Variants in MGAT5 observed in about 807,000 individuals in gnomAD.
MGAT5 encodes alpha-1,6-mannosylglycoprotein 6-beta-N-acetylglucosaminyltransferase A.
In MGAT5, 30 loss-of-function variants were observed where a neutral mutation model predicts 94.3. That is an observed-to-expected ratio of 0.32 (90% CI 0.24 to 0.43). The LOEUF (loss-of-function observed/expected upper bound fraction) is 0.43, where lower values mean the gene tolerates loss of function less well. Ranked by LOEUF, MGAT5 falls within the 20% of genes least tolerant of loss-of-function variation. The pLI is 1.00. For synonymous variants in MGAT5, 310 were observed against 322.9 expected, an observed-to-expected ratio of 0.96 and a Z score of 0.43; for missense variants, 691 against 905.5, an observed-to-expected ratio of 0.76 and a Z score of 3.04.
chr2:134,396,468 C>G (rs1180171516), intron 10 of MGAT5, among the ~76,000 whole-genome samples: 1 of 152,052 alleles, frequency 6.6e-6, no homozygotes, highest in African/African-American at 2.4e-5. Context: ...CTTGCAGTTC[C>G]TAAGTGAATG....
At chr2:134,226,009 C>G (rs993769959) in intron 1 of MGAT5, among the ~76,000 whole-genome samples, 2 of 152,208 alleles carry the variant, frequency 1.3e-5, no homozygotes, top group African/African-American at 4.8e-5. Context: ...CCTAAACAGT[C>G]ATTTGTTTAG....
At chr2:134,167,910 C>G (rs1688032248) in intron 1 of MGAT5, among the ~76,000 whole-genome samples, 1 of 152,106 alleles carries the variant, frequency 6.6e-6, no homozygotes. Flanking sequence ...CATGCTGTAC[C>G]TGGGGACCAT....
At chr2:134,130,103 A>C (rs1686059528) in intron 1 of MGAT5, among the ~76,000 whole-genome samples, 1 of 151,082 alleles carries the variant, frequency 6.6e-6, no homozygotes, top group African/African-American at 2.4e-5. Flanking sequence ...GTCCCCCAGC[A>C]CTGCCGGCCC....
At chr2:134,126,916 C>T (rs1685864718) in intron 1 of MGAT5, among the ~76,000 whole-genome samples, 1 of 151,838 alleles carries the variant, frequency 6.6e-6, no homozygotes, top group Non-Finnish European at 1.5e-5. Flanking sequence ...CTTATTTTCA[C>T]CTCCAGTTTG....
rs548470935 is a variant in MGAT5 at position 134,140,736 on chromosome 2, T to G, written c.-143+20445T>G. ...TGGATACTTTCCATTGATTTATCTATTCATGAAATACATTAGCAAAATGAA... is the reference window on the plus strand; with the variant it reads ...TGGATACTTTCCATTGATTTATCTAGTCATGAAATACATTAGCAAAATGAA... On this transcript the variant is annotated intron_variant, in intron 1 of 16. Transcript: ENST00000409645. Among the ~76,000 whole-genome samples, 5 of 152,340 alleles carry G rather than the reference T, an allele frequency of 3.3e-5. No individual in the cohort carries two copies. In the South Asian group the frequency reaches 1.0e-3, roughly 32 times the overall value.
chr2:134,262,214 T>G lies in MGAT5; in HGVS notation c.241+7570T>G, dbSNP rs572528416. ...TTAATTTAGATTATTCTTGTTCTTT[T>G]TTTTTGGTGTTGTTTTTGTTTTATT... On this transcript the variant is annotated intron_variant, in intron 1 of 15. Transcript: ENST00000281923. Among the ~76,000 whole-genome samples the G allele has an allele frequency of 1.4e-4, 21 of 152,334 alleles. No homozygotes were observed. The South Asian group carries it at 4.4e-3, about 32-fold the overall frequency.
At chr2:134,226,836 G>T (rs552148428) in intron 1 of MGAT5, among the ~76,000 whole-genome samples, 19 of 152,252 alleles carry the variant, frequency 1.2e-4, no homozygotes, top group African/African-American at 4.6e-4. Context: ...ACCAGCAGGG[G>T]CTGGGCAGGT....
chr2:134,447,080 C>G (rs1685827684), intron 15 of MGAT5, among the ~76,000 whole-genome samples: 1 of 152,212 alleles, frequency 6.6e-6, no homozygotes, highest in Non-Finnish European at 1.5e-5. Flanking sequence ...CATACGCATG[C>G]ACGCACACAA....
intron 9 of MGAT5, 139 bp from the exon 10 acceptor site, chr2:134,362,136 C>A: frequency 2.1e-6 from 2 of 971,384 alleles, no homozygotes; most frequent in Non-Finnish European, 1.5e-6. Context: ...AATCCCTCAC[C>A]TCCCTCAGGT....
At chr2:134,444,290 C>T (rs1283162995) in intron 15 of MGAT5, among the ~76,000 whole-genome samples, 1 of 152,124 alleles carries the variant, frequency 6.6e-6, no homozygotes, top group East Asian at 1.9e-4. Flanking sequence ...ATGCAGAGTT[C>T]ACGAGAGCAA....
chr2:134,384,444 G>A (rs1477793933), intron 10 of MGAT5, among the ~76,000 whole-genome samples: 2 of 152,148 alleles, frequency 1.3e-5, no homozygotes, highest in East Asian at 3.8e-4. Flanking sequence ...CTTCATTGGA[G>A]CCAATCCCCT....
intron 4 of MGAT5, among the ~76,000 whole-genome samples, chr2:134,335,753 A>G (rs1688297879): frequency 6.6e-6 from 1 of 152,156 alleles, no homozygotes; most frequent in African/African-American, 2.4e-5. Context: ...ACTCAGATAA[A>G]GGATTGAGTT....
At chr2:134,385,530 C>T (rs62166309) in intron 10 of MGAT5, among the ~76,000 whole-genome samples, 28,674 of 152,150 alleles carry the variant, frequency 0.19, 2,857 homozygotes, top group Middle Eastern at 0.37. Context: ...CTCACTCCCT[C>T]GCTATGGCTC....
intron 1 of MGAT5, among the ~76,000 whole-genome samples, chr2:134,227,812 G>C (rs1681142784): frequency 6.6e-6 from 1 of 152,132 alleles, no homozygotes; most frequent in Admixed American, 6.5e-5. Context: ...CATGAGCTTT[G>C]GAGTGGCAGC....
At chr2:134,324,535 A>G (rs996682183) in intron 4 of MGAT5, among the ~76,000 whole-genome samples, 2 of 152,154 alleles carry the variant, frequency 1.3e-5, no homozygotes, top group Admixed American at 6.6e-5. Flanking sequence ...TTAATGCCCA[A>G]CAGGAAAGGT....
intron 10 of MGAT5, among the ~76,000 whole-genome samples, chr2:134,381,374 A>T (rs76810229): frequency 1.6e-5 from 1 of 60,674 alleles, no homozygotes. Context: ...TAGATAAGAT[A>T]AGATAGATTA....
intron 11 of MGAT5, among the ~76,000 whole-genome samples, chr2:134,411,146 C>T (rs915492316): frequency 5.9e-5 from 9 of 152,198 alleles, no homozygotes; most frequent in Admixed American, 1.3e-4. Context: ...CCCTGAGCCA[C>T]ATGTCCAGGC....
chr2:134,346,364 G>T (rs1426945825), intron 8 of MGAT5, among the ~76,000 whole-genome samples: 2 of 152,116 alleles, frequency 1.3e-5, no homozygotes, highest in African/African-American at 4.8e-5. Context: ...CTCAGAGGGG[G>T]TTTTATGGAT....
chr2:134,154,374 C>T (rs930145124), intron 1 of MGAT5, among the ~76,000 whole-genome samples: 1 of 152,230 alleles, frequency 6.6e-6, no homozygotes, highest in Non-Finnish European at 1.5e-5. Context: ...ACCCACTCCT[C>T]CCCTTCTGTG....
Sources: gnomAD v4.1 joint callset for allele counts (sites outside exome capture counted in the v4.1 genomes callset) on GRCh38, gnomAD v4.1.1 for gene constraint, MANE v1.5 for transcripts, NCBI Gene and HGNC (gene_info 2026-07-23, HGNC 2026-07-21) for gene names.